AQP1: variants seen among roughly 807,000 people sequenced by gnomAD.
The protein encoded by AQP1 is aquaporin-1.
AQP1 carries 11 observed loss-of-function variants against 19.7 expected under a neutral mutation model. That is an observed-to-expected ratio of 0.56 (90% confidence interval 0.35 to 0.92). The LOEUF (loss-of-function observed/expected upper bound fraction) is 0.92. Among genes scored for constraint, AQP1 ranks in the 40% least tolerant of loss-of-function variants. AQP1 has a pLI of 0.01. For synonymous variants in AQP1, 159 were observed against 166.7 expected (o/e 0.95, Z 0.36); for missense variants, 320 against 369.7 (o/e 0.87, Z 1.10).
chr7:30,921,370 G>T (rs1182913780), intron 1 of AQP1: 2 of 1,392,634 alleles, frequency 1.4e-6, no homozygotes, highest in Admixed American at 2.9e-5. Context: ...CAGAGGGAGG[G>T]TGAGGCTGAG....
At position 30,924,919 on chromosome 7, in the gene AQP1, C is replaced by G. The variant is rs568291354; in HGVS notation, c.*1290C>G. 26 of 152,254 alleles carry G rather than the reference C, an allele frequency of 1.7e-4. No homozygotes were observed. Among genetic ancestry groups the G allele is most frequent in the African/African-American group, 5.8e-4 (24 of 41,452 alleles). 9.4% of individuals were successfully genotyped at this position (152,254 alleles called of 1,614,324 possible). On this transcript the variant is annotated 3_prime_UTR_variant, in exon 4 of 4. Transcript: ENST00000311813. Reference sequence around the variant, plus strand: ...CTGGAGGGGAGAGGTCAGCCTTGACCTAATGAGGTAGCTATAGTTGCAGCC... The same window carrying G: ...CTGGAGGGGAGAGGTCAGCCTTGACGTAATGAGGTAGCTATAGTTGCAGCC...
Position 30,924,833 on chromosome 7 carries a change from C to T in AQP1, c.*1204C>T, listed in dbSNP as rs1791636085. The T allele has an allele frequency of 6.6e-6, 1 of 152,280 alleles. No homozygotes were observed. The allele number at this position is 152,280 out of a possible 1,614,324, so 9.4% of individuals were successfully genotyped here. A position where few individuals can be genotyped will look rare whatever the true frequency, so the allele number is the denominator to read the frequency against. ...CTCCTGATCAGAGGCATTTGAGCAG[C>T]TGAATAACCTGCACAGGCTTGCTGT... On this transcript the variant is annotated 3_prime_UTR_variant, in exon 4 of 4. Coordinates refer to ENST00000311813, the MANE Select transcript of AQP1 (RefSeq NM_198098.4).
intron 1 of AQP1, among the ~76,000 whole-genome samples, chr7:30,919,954 G>T (rs559115298): frequency 2.3e-4 from 35 of 152,280 alleles, no homozygotes; most frequent in African/African-American, 8.4e-4. Flanking sequence ...AGTCACGAAG[G>T]CACATTCCAG....
At chr7:30,921,684 T>C (rs963825730) in intron 1 of AQP1, 1 of 1,550,800 alleles carries the variant, frequency 6.4e-7, no homozygotes, top group African/African-American at 1.4e-5. Context: ...CTCCTAGGAG[T>C]GCTCCTGACC....
At chr7:30,915,651 C>G (rs1001499691) in intron 1 of AQP1, among the ~76,000 whole-genome samples, 2 of 152,126 alleles carry the variant, frequency 1.3e-5, no homozygotes, top group Non-Finnish European at 2.9e-5. Flanking sequence ...TGGGCTCAGG[C>G]AGAGGGCAAA....
chr7:30,922,375 C>A, intron 2 of AQP1, 145 bp downstream of exon 2: 1 of 1,378,668 alleles, frequency 7.3e-7, no homozygotes, highest in Non-Finnish European at 9.9e-7. Context: ...GGGCTGGGGG[C>A]AGGGTCCTGC....
chr7:30,922,129 G>T lies in AQP1; in HGVS notation c.448G>T (p.Val150Leu). Residue 150 changes from valine (V) to leucine (L), a missense_variant, in exon 2 of 4, where the codon GTG (valine) becomes TTG (leucine). Coordinates refer to ENST00000311813, the MANE Select transcript of AQP1 (RefSeq NM_198098.4). ...CGAGATCATCGGGACCCTCCAGCTG[G>T]TGCTATGCGTGCTGGCTACTACCGA... ...GIEIIGTLQLVLCVLATTDRR... is the reference protein window; with the variant it reads ...GIEIIGTLQLLLCVLATTDRR... 1 of 1,614,052 alleles carries T rather than the reference G, an allele frequency of 6.2e-7. No individual in the cohort carries two copies. The highest frequency in any genetic ancestry group is 1.1e-5 in the South Asian group (1 of 91,086).
intron 1 of AQP1, among the ~76,000 whole-genome samples, chr7:30,920,790 T>A (rs1482079978): frequency 6.6e-6 from 1 of 152,168 alleles, no homozygotes; most frequent in Non-Finnish European, 1.5e-5. Context: ...CTAAGGGATG[T>A]AGCCCTGGGG....
chr7:30,914,674 T>A (rs1791265873), intron 1 of AQP1, among the ~76,000 whole-genome samples: 1 of 152,156 alleles, frequency 6.6e-6, no homozygotes, highest in Admixed American at 6.5e-5. Context: ...GGTGACACAC[T>A]CTCTTTCATG....
At position 30,912,368 on chromosome 7, in the gene AQP1, T is replaced by C. The variant is rs1012827535; in HGVS notation, c.384+75T>C. 1.3e-6 allele frequency: 2 copies of C among 1,557,072 alleles called. No homozygotes were observed. The highest frequency in any genetic ancestry group is 1.7e-6 in the Non-Finnish European group (2 of 1,153,116). On this transcript the variant is annotated intron_variant, in intron 1 of 3. Coordinates refer to ENST00000311813, the MANE Select transcript of AQP1 (RefSeq NM_198098.4). The surrounding 1 kb of genome is among the most constrained non-coding windows in gnomAD (Gnocchi z 4.3). Reference sequence around the variant, plus strand: ...GGCACTGGTTCCATCCTCTGCCCATTGTGCAGATGGGGACACTGAGGAACG... The same window carrying C: ...GGCACTGGTTCCATCCTCTGCCCATCGTGCAGATGGGGACACTGAGGAACG...
Position 30,911,861 on chromosome 7 carries a change from G to A in AQP1, c.-49G>A. 1 of 1,611,116 alleles carries A rather than the reference G, an allele frequency of 6.2e-7. No individual in the cohort carries two copies. Among genetic ancestry groups the A allele is most frequent in the Non-Finnish European group, 8.5e-7 (1 of 1,179,890 alleles). On this transcript the variant is annotated 5_prime_UTR_variant, in exon 1 of 4. Coordinates refer to ENST00000311813, the MANE Select transcript of AQP1 (RefSeq NM_198098.4). ...AGCCCAGGCTGTGGCTCAGCTCTCA[G>A]AGGGAATTGAGCACCCGGCAGCGGT...
At position 30,922,637 on chromosome 7, in the gene AQP1, A is replaced by G. The variant is rs1408543232; in HGVS notation, c.623A>G (p.Asn208Ser). The change falls in exon 3 of 4, where the codon AAC becomes AGC. Residue 208 changes from asparagine (N) to serine (S), a missense_variant. Transcript: ENST00000311813. ...GSAVITHNFS[N>S]HWIFWVGPFI... ...GCGGTGATCACACACAACTTCAGCA[A>G]CCACTGGGTAGGAGACCCACGGGGG... is the stretch of plus-strand genomic sequence containing the variant. 6.2e-7 allele frequency: 1 copy of G among 1,613,882 alleles called. No individual in the cohort carries two copies. The highest frequency in any genetic ancestry group is 8.5e-7 in the Non-Finnish European group (1 of 1,179,862).
intron 1 of AQP1, among the ~76,000 whole-genome samples, chr7:30,920,610 C>T (rs931105436): frequency 2.6e-5 from 4 of 152,216 alleles, no homozygotes; most frequent in African/African-American, 4.8e-5. Flanking sequence ...AGAGCAGGCA[C>T]GGACAATGAG....
At chr7:30,913,574 G>A (rs949891446) in intron 1 of AQP1, among the ~76,000 whole-genome samples, 6 of 152,102 alleles carry the variant, frequency 3.9e-5, no homozygotes, top group African/African-American at 1.2e-4. Context: ...CTGTCCTCTC[G>A]CTTCCCAGCC....
At position 30,925,506 on chromosome 7, in the gene AQP1, C is replaced by G. The variant is rs1791654643; in HGVS notation, c.*1877C>G. The G allele has an allele frequency of 6.6e-6, 1 of 152,248 alleles. No homozygotes were observed. The highest frequency in any genetic ancestry group is 1.5e-5 in the Non-Finnish European group (1 of 68,046). 9.4% of individuals were successfully genotyped at this position (152,248 alleles called of 1,614,324 possible). A position where few individuals can be genotyped will look rare whatever the true frequency, so the allele number is the denominator to read the frequency against. ...ATGTTAAGAAAATAAAGGAAAATGA[C>G]TTGTAAGGTCCTTCAGGCTTCCTGT... On this transcript the variant is annotated 3_prime_UTR_variant, in exon 4 of 4. Coordinates refer to ENST00000311813, the MANE Select transcript of AQP1 (RefSeq NM_198098.4).
At chr7:30,915,008 G>A (rs1791276161) in intron 1 of AQP1, among the ~76,000 whole-genome samples, 1 of 152,206 alleles carries the variant, frequency 6.6e-6, no homozygotes, top group African/African-American at 2.4e-5. Flanking sequence ...ACCTGTCCCT[G>A]TCCTAGCTCA....
At chr7:30,914,590 C>T (rs1791263529) in intron 1 of AQP1, among the ~76,000 whole-genome samples, 3 of 152,240 alleles carry the variant, frequency 2.0e-5, no homozygotes, top group Admixed American at 2.0e-4. Context: ...CCGTCAGACA[C>T]TGGCCCTGGA....
At position 30,922,564 on chromosome 7, in the gene AQP1, A is replaced by T; in HGVS notation, c.550A>T (p.Ile184Phe). The change falls in exon 3 of 4, where the codon ATT becomes TTT. Residue 184 changes from isoleucine to phenylalanine, a missense_variant and splice_region_variant. Physicochemically the swap from Ile to Phe is conservative, Grantham distance 21. Coordinates refer to ENST00000311813, the MANE Select transcript of AQP1 (RefSeq NM_198098.4). The part of the protein sequence containing the change: ...LSVALGHLLA[I>F]DYTGCGINPA... ...CTCCCTCTGTTTCTTTCCCTCACAG[A>T]TTGACTACACTGGCTGTGGGATTAA... The T allele has an allele frequency of 2.5e-6, 4 of 1,613,804 alleles. No homozygotes were observed. Among genetic ancestry groups the T allele is most frequent in the Non-Finnish European group, 3.4e-6 (4 of 1,179,838 alleles).
chr7:30,917,693 C>G (rs1791392972), intron 1 of AQP1, among the ~76,000 whole-genome samples: 1 of 152,180 alleles, frequency 6.6e-6, no homozygotes, highest in Non-Finnish European at 1.5e-5. Context: ...GGCACTTGGT[C>G]AGTACCTCAT....
Sources: gnomAD v4.1 joint callset for allele counts (sites outside exome capture counted in the v4.1 genomes callset) on GRCh38, gnomAD v4.1.1 for gene constraint, Gnocchi (gnomAD v3.1) non-coding constraint, MANE v1.5 for transcripts, NCBI Gene and HGNC (gene_info 2026-07-23, HGNC 2026-07-21) for gene names.